Variants in BCL2 observed in about 807,000 individuals in gnomAD.
BCL2 encodes the protein apoptosis regulator Bcl-2.
Under a neutral mutation model 14.2 loss-of-function variants are expected in BCL2, and 1 was observed. That is an observed-to-expected ratio of 0.07 (90% CI 0.02 to 0.33). BCL2 has a LOEUF of 0.33. BCL2 is among the 10% of genes least tolerant of loss of function. The pLI is 0.99. For synonymous variants in BCL2, 151 were observed against 137.2 expected (o/e 1.10, Z -0.70); for missense variants, 247 against 305.9 (o/e 0.81, Z 1.44).
At chr18:63,255,846 C>T (rs1271682396) in intron 2 of BCL2, among the ~76,000 whole-genome samples, 2 of 150,126 alleles carry the variant, frequency 1.3e-5, no homozygotes, top group Admixed American at 6.6e-5. Context: ...GCCACACACA[C>T]AAACATTTCT....
chr18:63,311,070 T>C (rs1209185764), intron 2 of BCL2, among the ~76,000 whole-genome samples: 1 of 152,086 alleles, frequency 6.6e-6, no homozygotes, highest in Non-Finnish European at 1.5e-5. Context: ...AAGCTGATGA[T>C]ATAATTTGTA....
At chr18:63,138,288 T>C (rs1490100601) in intron 2 of BCL2, among the ~76,000 whole-genome samples, 2 of 152,322 alleles carry the variant, frequency 1.3e-5, no homozygotes, top group East Asian at 3.9e-4. Flanking sequence ...GGTGAGGAAG[T>C]GACTCCATTT....
intron 2 of BCL2, among the ~76,000 whole-genome samples, chr18:63,160,856 C>A (rs907229258): frequency 6.6e-6 from 1 of 152,024 alleles, no homozygotes; most frequent in Non-Finnish European, 1.5e-5. Flanking sequence ...TGCTCACTAG[C>A]CCTTCTGCTG....
At chr18:63,152,278 T>A (rs1914669392) in intron 2 of BCL2, among the ~76,000 whole-genome samples, 2 of 152,234 alleles carry the variant, frequency 1.3e-5, no homozygotes, top group Non-Finnish European at 2.9e-5. Context: ...TGTGCTGCTC[T>A]GGGAGCAGAA....
Position 63,127,095 on chromosome 18 carries a change from T to C in BCL2, c.*1530A>G, listed in dbSNP as rs1050223210. ...CCCATATTCCACACCTGGAACTTTT[T>C]TTTTGTCAGGTTTTCAAATAAAACC... On this transcript the variant is annotated 3_prime_UTR_variant, in exon 3 of 3. Transcript: ENST00000333681. 4.4e-6 allele frequency: 1 copy of C among 229,028 alleles called. No individual in the cohort carries two copies. Among genetic ancestry groups the C allele is most frequent in the South Asian group, 1.8e-4 (1 of 5,484 alleles). 14.2% of individuals were successfully genotyped at this position (229,028 alleles called of 1,614,324 possible).
chr18:63,249,337 T>C (rs1166805388), intron 2 of BCL2, among the ~76,000 whole-genome samples: 3 of 152,210 alleles, frequency 2.0e-5, no homozygotes, highest in Non-Finnish European at 4.4e-5. Context: ...AATCTCCTAG[T>C]CTCAACTTAA....
At position 63,318,518 on chromosome 18, in the gene BCL2, GAGA is replaced by G; in HGVS notation, c.146_148del (p.Phe49del). ...ATGGGGCGTGTGCCCGGGCTGGGAGGAGAAGATGCCCGGTGCGGGGGCGGCCCC... is the reference window on the plus strand; with the variant it reads ...ATGGGGCGTGTGCCCGGGCTGGGAGGAGATGCCCGGTGCGGGGGCGGCCCC... On this transcript the variant is annotated inframe_deletion, in exon 2 of 3. Transcript: ENST00000333681. This position sits in a 1 kb window ranked among gnomAD's most constrained non-coding sequence, Gnocchi z 7.4. 6.4e-7 allele frequency: 1 copy of G among 1,568,154 alleles called. No homozygotes were observed. Among genetic ancestry groups the G allele is most frequent in the Non-Finnish European group, 8.6e-7 (1 of 1,163,352 alleles).
chr18:63,307,177 C>T (rs1487682478), intron 2 of BCL2, among the ~76,000 whole-genome samples: 1 of 152,158 alleles, frequency 6.6e-6, no homozygotes. Context: ...TTTATCAATA[C>T]CCTGTTGTGC....
chr18:63,192,688 T>C (rs1422293431), intron 2 of BCL2, among the ~76,000 whole-genome samples: 1 of 151,922 alleles, frequency 6.6e-6, no homozygotes, highest in African/African-American at 2.4e-5. Context: ...GCACTTGCCA[T>C]TGCATCAGCT....
At chr18:63,178,258 T>G (rs1019060737) in intron 2 of BCL2, among the ~76,000 whole-genome samples, 2 of 152,148 alleles carry the variant, frequency 1.3e-5, no homozygotes, top group Non-Finnish European at 2.9e-5. Context: ...GGTCCGCCGC[T>G]GAACAGGAAA....
intron 2 of BCL2, among the ~76,000 whole-genome samples, chr18:63,275,734 C>T (rs748402167): frequency 6.6e-5 from 10 of 152,246 alleles, no homozygotes; most frequent in African/African-American, 9.6e-5. Flanking sequence ...ACAGGAAAGG[C>T]ATCTGCCATG....
intron 2 of BCL2, among the ~76,000 whole-genome samples, chr18:63,172,799 AC>A (rs1452706072): frequency 1.2e-3 from 182 of 152,252 alleles, no homozygotes; most frequent in African/African-American, 4.2e-3. Flanking sequence ...AAAACAAAAA[AC>A]AAAAACAGTG....
intron 2 of BCL2, among the ~76,000 whole-genome samples, chr18:63,242,199 G>A (rs997563156): frequency 6.6e-6 from 1 of 152,208 alleles, no homozygotes; most frequent in Admixed American, 6.5e-5. Flanking sequence ...TGAATTCTGT[G>A]CCTTAAGAAT....
At chr18:63,167,617 CA>C (rs200469950) in intron 2 of BCL2, among the ~76,000 whole-genome samples, 81 of 151,530 alleles carry the variant, frequency 5.3e-4, no homozygotes, top group African/African-American at 1.8e-3. Context: ...TCCATCTCTA[CA>C]AAAAAAATTA....
At chr18:63,131,387 T>A (rs1914066178) in intron 2 of BCL2, among the ~76,000 whole-genome samples, 1 of 152,224 alleles carries the variant, frequency 6.6e-6, no homozygotes, top group African/African-American at 2.4e-5. Context: ...GCAATAGACG[T>A]ACATAAAATG....
chr18:63,138,730 G>T (rs952855235), intron 2 of BCL2, among the ~76,000 whole-genome samples: 2 of 152,238 alleles, frequency 1.3e-5, no homozygotes, highest in Admixed American at 1.3e-4. Flanking sequence ...CATGTCATTT[G>T]GATGTAACAA....
intron 2 of BCL2, among the ~76,000 whole-genome samples, chr18:63,205,745 A>C (rs1270344204): frequency 6.6e-6 from 1 of 152,184 alleles, no homozygotes; most frequent in African/African-American, 2.4e-5. Flanking sequence ...AACACATTTG[A>C]CTACTGTGGT....
At chr18:63,305,553 T>G (rs775599011) in intron 2 of BCL2, among the ~76,000 whole-genome samples, 1 of 152,154 alleles carries the variant, frequency 6.6e-6, no homozygotes, top group African/African-American at 2.4e-5. Flanking sequence ...CCAACAGATA[T>G]GGAATTTTTT....
intron 2 of BCL2, among the ~76,000 whole-genome samples, chr18:63,233,264 A>G (rs1188675783): frequency 6.6e-6 from 1 of 152,234 alleles, no homozygotes; most frequent in Non-Finnish European, 1.5e-5. Context: ...TTATAACAAT[A>G]TAACAGTTAA....
Sources: allele counts gnomAD v4.1 joint callset (sites outside exome capture counted in the v4.1 genomes callset), GRCh38; gene constraint gnomAD v4.1.1; non-coding constraint Gnocchi (gnomAD v3.1); transcripts MANE v1.5; gene names NCBI Gene and HGNC (gene_info 2026-07-23, HGNC 2026-07-21).